The following CCS variants were observed in gnomAD, a reference collection of about 807,000 sequenced individuals.
CCS encodes the protein copper chaperone for superoxide dismutase.
CCS carries 32 observed loss-of-function variants against 35.5 expected under a neutral mutation model. The observed-to-expected ratio is 0.90, with a 90% confidence interval of 0.68 to 1.21. CCS has a LOEUF of 1.21. Among genes scored for constraint, CCS ranks in the 50% most tolerant of loss-of-function variants. The pLI is 0.00. For synonymous variants in CCS, 130 were observed against 147.2 expected (o/e 0.88, Z 0.84); for missense variants, 342 against 375.4 (o/e 0.91, Z 0.73).
At chr11:66,600,693 C>T in intron 5 of CCS, 144 bp downstream of exon 5, 1 of 462,906 alleles carries the variant, frequency 2.2e-6, no homozygotes, top group Non-Finnish European at 3.9e-6. Flanking sequence ...AGTTTGGAAA[C>T]ATTTGTTGAC....
At chr11:66,598,744 ATGGGCATT>A (rs1858522948) in intron 2 of CCS, among the ~76,000 whole-genome samples, 2 of 151,856 alleles carry the variant, frequency 1.3e-5, no homozygotes, top group Non-Finnish European at 2.9e-5. Context: ...TCATTAGTTG[ATGGGCATT>A]TGGGTTATTT....
In CCS at chr11:66,605,349, ACC is replaced by A; in HGVS notation, c.501_502del (p.Leu168GlyfsTer6). 1 of 1,614,148 alleles carries A rather than the reference ACC, an allele frequency of 6.2e-7. No individual in the cohort carries two copies. Among genetic ancestry groups the A allele is most frequent in the East Asian group, 2.2e-5 (1 of 44,876 alleles). On this transcript the variant is annotated frameshift_variant, in exon 6 of 8. Coordinates refer to ENST00000533244, the MANE Select transcript of CCS (RefSeq NM_005125.2). LOFTEE classifies it high-confidence loss of function. ...TGGATCTCATTCCAGCACCGCGGAGACCTGGGCAATGTCCGTGCTGATGCTGA... is the reference window on the plus strand; with the variant it reads ...TGGATCTCATTCCAGCACCGCGGAGATGGGCAATGTCCGTGCTGATGCTGA...
chr11:66,598,710 G>A (rs569049686), intron 2 of CCS, among the ~76,000 whole-genome samples: 32 of 151,526 alleles, frequency 2.1e-4, no homozygotes, highest in Non-Finnish European at 4.1e-4. Flanking sequence ...GTATTTCATT[G>A]TATGGATACC....
rs780512810 is a variant in CCS, at chr11:66,593,234, G to A, written c.-28G>A. On this transcript the variant is annotated 5_prime_UTR_variant, in exon 1 of 8. Transcript: ENST00000533244. Reference sequence around the variant, plus strand: ...GGTGCTCCTGCGCCGGAGGAGTTCTGCGTCTCGGGGTGGTGACTGGGTCCA... The same window carrying A: ...GGTGCTCCTGCGCCGGAGGAGTTCTACGTCTCGGGGTGGTGACTGGGTCCA... The A allele has an allele frequency of 5.8e-5, 90 of 1,557,092 alleles. 1 individual carries two copies. The highest frequency in any genetic ancestry group is 1.7e-4 in the Middle Eastern group (1 of 6,006).
Position 66,599,159 on chromosome 11 carries a change from G to T in CCS, c.156G>T (p.Leu52Phe), listed in dbSNP as rs1448977810. 6.2e-7 allele frequency: 1 copy of T among 1,614,090 alleles called. No homozygotes were observed. The highest frequency in any genetic ancestry group is 2.2e-5 in the East Asian group (1 of 44,874). Residue 52 changes from leucine to phenylalanine, a missense_variant, in exon 3 of 8, where the codon TTG (leucine) becomes TTT (phenylalanine). Transcript: ENST00000533244. ...VEVHLEDQMV[L>F]VHTTLPSQEV... ...TGCACTTGGAGGACCAGATGGTCTT[G>T]GTACACACCACTCTACCCAGCCAGG...
chr11:66,600,437 G>C (rs886947817), intron 4 of CCS, 52 bp from the exon 5 acceptor site: 2 of 1,076,162 alleles, frequency 1.9e-6, no homozygotes, highest in South Asian at 1.7e-5. Context: ...AGAGGGTAGA[G>C]CACCTGGCCT....
At chr11:66,600,634 A>G (rs1477742674) in intron 5 of CCS, 85 bp downstream of exon 5, 4 of 617,494 alleles carry the variant, frequency 6.5e-6, no homozygotes, top group African/African-American at 3.8e-5. Flanking sequence ...GGATCATAAC[A>G]GTGTGATTCC....
chr11:66,593,374 A>C, intron 1 of CCS, 74 bp downstream of exon 1: 1 of 1,412,346 alleles, frequency 7.1e-7, no homozygotes, highest in Non-Finnish European at 9.4e-7. Flanking sequence ...TTACCTTGGG[A>C]AGAGGAGAAG....
intron 2 of CCS, among the ~76,000 whole-genome samples, chr11:66,598,870 GC>G (rs1858524424): frequency 6.6e-6 from 1 of 152,070 alleles, no homozygotes; most frequent in African/African-American, 2.4e-5. Context: ...TATAAATAAT[GC>G]CTGGCGTGTA....
At chr11:66,599,797 A>G in intron 4 of CCS, 161 bp downstream of exon 4, 1 of 686,578 alleles carries the variant, frequency 1.5e-6, no homozygotes, top group Non-Finnish European at 2.4e-6. Flanking sequence ...CACAGCAGGT[A>G]AAAGGTAGAG....
At chr11:66,601,663 G>A (rs1255895350) in intron 5 of CCS, among the ~76,000 whole-genome samples, 1 of 151,706 alleles carries the variant, frequency 6.6e-6, no homozygotes, top group African/African-American at 2.4e-5. Flanking sequence ...TGAACTCATG[G>A]GCTCAAGCAA....
At chr11:66,601,267 AT>A (rs1858567873) in intron 5 of CCS, among the ~76,000 whole-genome samples, 1 of 151,940 alleles carries the variant, frequency 6.6e-6, no homozygotes, top group African/African-American at 2.4e-5. Flanking sequence ...TAATTTTTGT[AT>A]TTTTAGTAGA....
intron 2 of CCS, among the ~76,000 whole-genome samples, chr11:66,597,807 G>C (rs1056521531): frequency 6.6e-6 from 1 of 151,452 alleles, no homozygotes; most frequent in African/African-American, 2.4e-5. Context: ...AGTGGCTCAC[G>C]CCTGTAATTC....
chr11:66,604,483 C>T (rs970964506), intron 5 of CCS, among the ~76,000 whole-genome samples: 4 of 152,202 alleles, frequency 2.6e-5, no homozygotes, highest in African/African-American at 9.7e-5. Context: ...GGCACAGGCA[C>T]TTGTTTCTGC....
rs1590832578 is a variant in CCS, at chr11:66,605,527, G to C, written c.606G>C (p.Glu202Asp). ...TTGGCCGCAGCCTGATTATTGATGA[G>C]GGAGAAGATGACCTGGGCCGGGGAG... ...DVIGRSLIID[E>D]GEDDLGRGGH... Residue 202 changes from glutamate to aspartate, a missense_variant, in exon 7 of 8, where the codon GAG (glutamate) becomes GAC (aspartate). Glu to Asp is a conservative substitution (Grantham distance 45, BLOSUM62 2). Transcript: ENST00000533244. 5.0e-6 allele frequency: 8 copies of C among 1,613,970 alleles called. No individual in the cohort carries two copies. The East Asian group carries it at 1.6e-4, about 31-fold the overall frequency.
At chr11:66,595,377 G>A (rs960758737) in intron 2 of CCS, among the ~76,000 whole-genome samples, 2 of 152,150 alleles carry the variant, frequency 1.3e-5, no homozygotes, top group Non-Finnish European at 2.9e-5. Context: ...CTACTTGCTT[G>A]CGAGGAGAGC....
intron 3 of CCS, 38 bp downstream of exon 3, chr11:66,599,291 A>G (rs1858532757): frequency 6.4e-7 from 1 of 1,551,624 alleles, no homozygotes; most frequent in South Asian, 1.2e-5. Context: ...TCTCGGAGGG[A>G]GGTGGCTCAG....
At position 66,601,730 on chromosome 11, in the gene CCS, AT is replaced by A. The variant is rs796398046; in HGVS notation, c.489+1193del. On this transcript the variant is annotated intron_variant, in intron 5 of 7. Transcript: ENST00000533244. ...AAGCATGTACCATTATGCCCAGCTAATTTTTTTTTTTTGTTTTTTTGGTGGT... is the reference window on the plus strand; with the variant it reads ...AAGCATGTACCATTATGCCCAGCTAATTTTTTTTTTTGTTTTTTTGGTGGT... 1.2e-3 allele frequency among the ~76,000 whole-genome samples: 175 copies of A among 148,186 alleles called. 2 individuals carry two copies. The East Asian group carries it at 0.016, about 14-fold the overall frequency.
chr11:66,600,360 A>T, intron 4 of CCS, 129 bp from the exon 5 acceptor site: 2 of 551,130 alleles, frequency 3.6e-6, no homozygotes, highest in Non-Finnish European at 6.2e-6. Context: ...CCCAAAGCCC[A>T]GCACAGAGTA....
Sources: gnomAD v4.1 joint callset for allele counts (sites outside exome capture counted in the v4.1 genomes callset) on GRCh38, gnomAD v4.1.1 for gene constraint, MANE v1.5 for transcripts, NCBI Gene and HGNC (gene_info 2026-07-23, HGNC 2026-07-21) for gene names.